The following EGFLAM variants were observed in gnomAD, a reference collection of about 807,000 sequenced individuals.
EGFLAM encodes EGF like, fibronectin type III and laminin G domains.
Under a neutral mutation model 113.1 loss-of-function variants are expected in EGFLAM, and 79 were observed. The observed-to-expected ratio is 0.70, with a 90% CI of 0.58 to 0.84. The LOEUF (loss-of-function observed/expected upper bound fraction) is 0.84. Ranked by LOEUF, EGFLAM falls within the 40% of genes least tolerant of loss-of-function variation. EGFLAM has a pLI of 0.00. For missense variants in EGFLAM, 1,265 were observed against 1,291.6 expected, an observed-to-expected ratio of 0.98 and a Z score of 0.32; for synonymous variants, 504 against 487.6, an observed-to-expected ratio of 1.03 and a Z score of -0.44.
intron 18 of EGFLAM, 71 bp from the exon 19 acceptor site, chr5:38,451,244 A>G (rs1742902661): frequency 6.3e-7 from 1 of 1,575,174 alleles, no homozygotes; most frequent in African/African-American, 1.3e-5. Context: ...GGGCTGGCAG[A>G]CAAAACTGGA....
intron 1 of EGFLAM, among the ~76,000 whole-genome samples, chr5:38,267,822 T>A (rs890906): frequency 0.14 from 21,776 of 152,212 alleles, 1,732 homozygotes; most frequent in Middle Eastern, 0.28. Context: ...TGGCAGCAAA[T>A]ATACTTAGAA....
intron 1 of EGFLAM, among the ~76,000 whole-genome samples, chr5:38,318,035 G>A (rs1333877270): frequency 2.0e-5 from 3 of 152,110 alleles, no homozygotes; most frequent in African/African-American, 7.2e-5. Flanking sequence ...GCTGTGAGCG[G>A]GCACTTGGGG....
chr5:38,343,647 C>T (rs1248014796), intron 3 of EGFLAM, among the ~76,000 whole-genome samples: 1 of 152,186 alleles, frequency 6.6e-6, no homozygotes, highest in Non-Finnish European at 1.5e-5. Context: ...CAACTCCTCC[C>T]TCCACCCTGC....
At chr5:38,285,467 G>A (rs962609720) in intron 1 of EGFLAM, among the ~76,000 whole-genome samples, 9 of 152,146 alleles carry the variant, frequency 5.9e-5, no homozygotes, top group Non-Finnish European at 8.8e-5. Flanking sequence ...TAGCAGGGAG[G>A]GTGGAAGTGG....
chr5:38,349,035 G>C (rs979569418), intron 3 of EGFLAM, among the ~76,000 whole-genome samples: 6 of 152,176 alleles, frequency 3.9e-5, no homozygotes, highest in African/African-American at 1.4e-4. Flanking sequence ...CAGGGTTTGA[G>C]AACTACTGTA....
In EGFLAM at chr5:38,370,321, T is replaced by A; in HGVS notation, c.571T>A (p.Ser191Thr). ...GCCAGATTTCGACAAGAAGTGGACCTCAATCCATGAGCGGATCCAGATGGA... is the reference window on the plus strand; with the variant it reads ...GCCAGATTTCGACAAGAAGTGGACCACAATCCATGAGCGGATCCAGATGGA... ...IRPDFDKKWTSIHERIQMDSM... is the reference protein window; with the variant it reads ...IRPDFDKKWTTIHERIQMDSM... The change falls in exon 6 of 22, where the codon TCA (serine) becomes ACA (threonine). Residue 191 changes from serine (S) to threonine (T), a missense_variant. By Grantham distance (58) the Ser-to-Thr change is moderately conservative. Coordinates refer to ENST00000322350, the MANE Select transcript of EGFLAM (RefSeq NM_152403.4). The A allele has an allele frequency of 3.1e-6, 5 of 1,614,104 alleles. No individual in the cohort carries two copies. Among genetic ancestry groups the A allele is most frequent in the Non-Finnish European group, 4.2e-6 (5 of 1,179,978 alleles).
chr5:38,463,942 G>C lies in EGFLAM; in HGVS notation c.2986G>C (p.Asp996His). 1 of 1,614,220 alleles carries C rather than the reference G, an allele frequency of 6.2e-7. No homozygotes were observed. Among genetic ancestry groups the C allele is most frequent in the Non-Finnish European group, 8.5e-7 (1 of 1,180,050 alleles). Residue 996 changes from aspartate to histidine, a missense_variant, in exon 22 of 22, where the codon GAT (aspartate) becomes CAT (histidine). By Grantham distance (81) the Asp-to-His change is moderately conservative. Transcript: ENST00000322350. ...CGATTACCACATTTCCCTCGTGGAA[G>C]ATGCCGTGGATGGGAAAAACATCAA... is the stretch of plus-strand genomic sequence containing the variant. ...STDYHISLVE[D>H]AVDGKNINTC...
Position 38,426,945 on chromosome 5 carries a change from A to G in EGFLAM, c.1811-64A>G, listed in dbSNP as rs886664119. The G allele has an allele frequency of 1.1e-5, 18 of 1,586,850 alleles. No individual in the cohort carries two copies. The African/African-American group carries it at 2.3e-4, about 20-fold the overall frequency. ...TACCCAGGAGGGAAAGAACACAGCT[A>G]TGGGTGCACATCTGGCCAGTTTCTG... On this transcript the variant is annotated intron_variant, in intron 13 of 21. Coordinates refer to ENST00000322350, the MANE Select transcript of EGFLAM (RefSeq NM_152403.4).
At chr5:38,315,925 A>C (rs1738582146) in intron 1 of EGFLAM, among the ~76,000 whole-genome samples, 1 of 152,060 alleles carries the variant, frequency 6.6e-6, no homozygotes, top group African/African-American at 2.4e-5. Flanking sequence ...AAAATACAAA[A>C]AATTAGCTGG....
At chr5:38,372,457 C>T (rs1264426376) in intron 6 of EGFLAM, among the ~76,000 whole-genome samples, 2 of 152,112 alleles carry the variant, frequency 1.3e-5, no homozygotes, top group African/African-American at 4.8e-5. Context: ...TGACGCCCGG[C>T]CTCATACTGC....
At chr5:38,288,290 A>G (rs1758219775) in intron 1 of EGFLAM, among the ~76,000 whole-genome samples, 1 of 152,172 alleles carries the variant, frequency 6.6e-6, no homozygotes, top group Non-Finnish European at 1.5e-5. Flanking sequence ...ATCTTCTAGG[A>G]CTTTCAATAT....
chr5:38,282,006 T>C (rs1758032904), intron 1 of EGFLAM, among the ~76,000 whole-genome samples: 1 of 152,206 alleles, frequency 6.6e-6, no homozygotes, highest in South Asian at 2.1e-4. Flanking sequence ...CATATTACTT[T>C]AGTGAGTTTT....
chr5:38,303,772 T>G (rs1394438437), intron 1 of EGFLAM, among the ~76,000 whole-genome samples: 3 of 152,046 alleles, frequency 2.0e-5, no homozygotes, highest in Non-Finnish European at 2.9e-5. Context: ...TCCAAAAAAA[T>G]GGTAACAGTC....
Position 38,258,820 on chromosome 5 carries a change from G to A in EGFLAM, c.66G>A (p.Ala22=), listed in dbSNP as rs772605498. 1.2e-6 allele frequency: 2 copies of A among 1,612,180 alleles called. No homozygotes were observed. The highest frequency in any genetic ancestry group is 2.2e-5 in the East Asian group (1 of 44,820). Residue 22 remains alanine, a synonymous_variant, in exon 1 of 22, where the codon GCG becomes GCA. Transcript: ENST00000322350. The part of the protein sequence containing the change: ...LLLASSLGPG[A]VSLRAAIRKP... ...TGGCTTCCAGCCTCGGACCCGGCGC[G>A]GTGTCGCTCCGAGCGGCCATCCGAA... is the stretch of plus-strand genomic sequence containing the variant.
chr5:38,329,123 A>G (rs2111918798), intron 1 of EGFLAM, among the ~76,000 whole-genome samples: 1 of 151,898 alleles, frequency 6.6e-6, no homozygotes, highest in East Asian at 1.9e-4. Context: ...TGTTTCTACA[A>G]TAATAAGGAG....
chr5:38,442,622 T>A (rs1394170486), intron 17 of EGFLAM, among the ~76,000 whole-genome samples: 3 of 152,122 alleles, frequency 2.0e-5, no homozygotes, highest in Admixed American at 2.0e-4. Context: ...ATACCCAGAC[T>A]CTTTTCGCTG....
intron 15 of EGFLAM, among the ~76,000 whole-genome samples, chr5:38,431,577 A>G (rs1742188989): frequency 6.6e-6 from 1 of 152,144 alleles, no homozygotes; most frequent in African/African-American, 2.4e-5. Flanking sequence ...TCCCAACTCC[A>G]CCTTTGTTCT....
chr5:38,303,566 C>T (rs1223101472), intron 1 of EGFLAM, among the ~76,000 whole-genome samples: 1 of 152,162 alleles, frequency 6.6e-6, no homozygotes, highest in African/African-American at 2.4e-5. Context: ...AAAACTGAAG[C>T]TGTGGATCAC....
chr5:38,414,608 C>T (rs545230708), intron 11 of EGFLAM, among the ~76,000 whole-genome samples: 1 of 152,298 alleles, frequency 6.6e-6, no homozygotes, highest in African/African-American at 2.4e-5. Flanking sequence ...ATTACATTCA[C>T]ATCTGGATCA....
Sources: gnomAD v4.1 joint callset for allele counts (sites outside exome capture counted in the v4.1 genomes callset) on GRCh38, gnomAD v4.1.1 for gene constraint, MANE v1.5 for transcripts, NCBI Gene and HGNC (gene_info 2026-07-23, HGNC 2026-07-21) for gene names.